Variants in UIMC1 observed in about 807,000 individuals in gnomAD.
UIMC1 encodes ubiquitin interaction motif containing 1, also known as BRCA1-A complex subunit RAP80.
A neutral mutation model predicts 84.9 loss-of-function variants in UIMC1; 42 were observed. That is an observed-to-expected ratio of 0.49 (90% CI 0.39 to 0.64). The LOEUF (loss-of-function observed/expected upper bound fraction) is 0.64. Among genes scored for constraint, UIMC1 ranks in the 30% least tolerant of loss-of-function variants. The probability of loss-of-function intolerance (pLI) is 0.00; values close to 1 mark genes in which losing one functional copy is unlikely to be tolerated. For missense variants in UIMC1, 825 were observed against 847.6 expected (o/e 0.97, Z 0.33); for synonymous variants, 281 against 293.0 (o/e 0.96, Z 0.42).
chr5:177,006,528 G>A (rs1012579929), intron 1 of UIMC1, 122 bp downstream of exon 1: 6 of 152,334 alleles, frequency 3.9e-5, no homozygotes, highest in Non-Finnish European at 5.9e-5. Flanking sequence ...CCGGCGTCGG[G>A]AGAGGCCTAC....
chr5:176,926,976 G>A (rs1253780522), intron 10 of UIMC1, among the ~76,000 whole-genome samples: 1 of 152,154 alleles, frequency 6.6e-6, no homozygotes, highest in Non-Finnish European at 1.5e-5. Flanking sequence ...TAACTTGTAA[G>A]GTTCCTGCAA....
intron 10 of UIMC1, among the ~76,000 whole-genome samples, chr5:176,929,288 G>A (rs944759704): frequency 6.6e-6 from 1 of 151,280 alleles, no homozygotes; most frequent in African/African-American, 2.4e-5. Context: ...AATTGGCTGG[G>A]TGCGGTGGCT....
intron 2 of UIMC1, among the ~76,000 whole-genome samples, chr5:176,981,610 C>T (rs965627044): frequency 6.6e-6 from 1 of 151,614 alleles, no homozygotes; most frequent in African/African-American, 2.4e-5. Flanking sequence ...CCATCCTGGG[C>T]AACATGGCGA....
chr5:176,979,212 C>T (rs1166037628), intron 2 of UIMC1, among the ~76,000 whole-genome samples: 2 of 152,174 alleles, frequency 1.3e-5, no homozygotes, highest in Non-Finnish European at 2.9e-5. Flanking sequence ...TATGTCTAAT[C>T]ACCAATACTT....
chr5:176,977,038 C>G (rs1300428609), intron 2 of UIMC1, among the ~76,000 whole-genome samples: 1 of 152,086 alleles, frequency 6.6e-6, no homozygotes, highest in African/African-American at 2.4e-5. Context: ...GCCTGGCCAA[C>G]ATAGTGAAAC....
chr5:176,982,694 G>C (rs1771236057), intron 1 of UIMC1, 71 bp from the exon 2 acceptor site: 2 of 1,489,120 alleles, frequency 1.3e-6, no homozygotes, highest in South Asian at 1.3e-5. Flanking sequence ...AAGTTTTCTA[G>C]AAGCTATTCA....
In UIMC1 at chr5:177,006,675, C is replaced by A. The variant is rs1000701902; in HGVS notation, c.-34G>T. ...TCGCTGGCGCAGGCCGCTCTGTAGA[C>A]CTTCTCCGGGTTGCCGGGGGTCGCG... On this transcript the variant is annotated 5_prime_UTR_variant, in exon 1 of 15. Transcript: ENST00000511320. 1 of 152,226 alleles carries A rather than the reference C, an allele frequency of 6.6e-6. No individual in the cohort carries two copies. Among genetic ancestry groups the A allele is most frequent in the Non-Finnish European group, 1.5e-5 (1 of 68,056 alleles). The allele number at this position is 152,226 out of a possible 1,614,324, so 9.4% of individuals were successfully genotyped here. A position where few individuals can be genotyped will look rare whatever the true frequency, so the allele number is the denominator to read the frequency against.
intron 2 of UIMC1, among the ~76,000 whole-genome samples, chr5:176,976,014 A>G (rs1025081442): frequency 2.0e-5 from 3 of 152,078 alleles, no homozygotes; most frequent in Admixed American, 2.0e-4. Context: ...GAAAGAAATA[A>G]AAGGCCAAGC....
intron 1 of UIMC1, among the ~76,000 whole-genome samples, chr5:177,015,931 G>A (rs547616564): frequency 1.6e-4 from 24 of 152,070 alleles, no homozygotes; most frequent in Non-Finnish European, 3.2e-4. Context: ...TTAGCCAGAC[G>A]TGGTGGCGCA....
intron 10 of UIMC1, among the ~76,000 whole-genome samples, chr5:176,927,627 T>C (rs1762537559): frequency 1.3e-5 from 2 of 152,088 alleles, no homozygotes; most frequent in Admixed American, 1.3e-4. Context: ...GTAAAATACA[T>C]AAATGTATGG....
intron 1 of UIMC1, among the ~76,000 whole-genome samples, chr5:177,019,289 C>T (rs1465579927): frequency 1.3e-5 from 2 of 152,204 alleles, no homozygotes; most frequent in African/African-American, 4.8e-5. Context: ...AAATCCCTCA[C>T]AGAAACCACC....
At chr5:176,984,765 T>G (rs947632820) in intron 1 of UIMC1, among the ~76,000 whole-genome samples, 1 of 152,218 alleles carries the variant, frequency 6.6e-6, no homozygotes, top group South Asian at 2.1e-4. Context: ...TCTTCTGCCT[T>G]GGGATGCTGT....
upstream of UIMC1, among the ~76,000 whole-genome samples, chr5:177,007,296 C>T (rs947868280): frequency 2.1e-5 from 3 of 143,536 alleles, no homozygotes; most frequent in African/African-American, 5.4e-5. Context: ...GCCCAGGTCA[C>T]TGCCACTGCA....
chr5:176,973,599 GA>G (rs1019205573), intron 3 of UIMC1, among the ~76,000 whole-genome samples: 44 of 149,424 alleles, frequency 2.9e-4, no homozygotes, highest in Non-Finnish European at 4.9e-4. Flanking sequence ...AAAAAGAAAA[GA>G]AAAAAATAAA....
chr5:176,946,734 T>C (rs944658984), intron 9 of UIMC1, among the ~76,000 whole-genome samples: 2 of 148,062 alleles, frequency 1.4e-5, no homozygotes, highest in Admixed American at 6.7e-5. Context: ...ACTTAGGTGG[T>C]TGAGGCAGGA....
intron 9 of UIMC1, among the ~76,000 whole-genome samples, chr5:176,947,997 C>A (rs1213083986): frequency 6.6e-6 from 1 of 151,870 alleles, no homozygotes; most frequent in Non-Finnish European, 1.5e-5. Context: ...AACTCTCCAT[C>A]CCTCCCCCAC....
At chr5:176,995,831 G>A (rs183271803) in intron 1 of UIMC1, among the ~76,000 whole-genome samples, 35 of 99,252 alleles carry the variant, frequency 3.5e-4, no homozygotes, top group Non-Finnish European at 6.1e-4. Context: ...CAACAAGAGT[G>A]AAACTCCATC....
intron 10 of UIMC1, among the ~76,000 whole-genome samples, chr5:176,919,709 A>G (rs1761461680): frequency 6.6e-6 from 1 of 152,182 alleles, no homozygotes; most frequent in African/African-American, 2.4e-5. Flanking sequence ...TTGCAAGTGG[A>G]TATTCAGTTG....
intron 6 of UIMC1, among the ~76,000 whole-genome samples, chr5:176,964,885 C>T (rs146649720): frequency 6.4e-4 from 98 of 152,276 alleles, no homozygotes; most frequent in African/African-American, 2.2e-3. Context: ...GGGCTACTGA[C>T]ACCAAATGGG....
Sources: gnomAD v4.1 joint callset for allele counts (sites outside exome capture counted in the v4.1 genomes callset) on GRCh38, gnomAD v4.1.1 for gene constraint, MANE v1.5 for transcripts, NCBI Gene and HGNC (gene_info 2026-07-23, HGNC 2026-07-21) for gene names.